Variants in SGCZ observed in about 807,000 individuals in gnomAD.
The protein encoded by SGCZ is zeta-sarcoglycan.
A neutral mutation model predicts 41.3 loss-of-function variants in SGCZ; 40 were observed. The ratio of observed to expected loss-of-function variants is 0.97; its 90% CI spans 0.75 to 1.26. The LOEUF is 1.26. Ranked by LOEUF, SGCZ falls within the 50% of genes most tolerant of loss-of-function variation. The pLI, the probability that SGCZ is intolerant of heterozygous loss-of-function variation, is 0.00. For synonymous variants in SGCZ, 206 were observed against 137.5 expected (o/e 1.50, Z -3.49); for missense variants, 552 against 369.8 (o/e 1.49, Z -4.04).
At chr8:14,433,211 CA>C (rs1405926477) in intron 2 of SGCZ, among the ~76,000 whole-genome samples, 1 of 152,020 alleles carries the variant, frequency 6.6e-6, no homozygotes, top group Non-Finnish European at 1.5e-5. Flanking sequence ...TAAGCAACTG[CA>C]AAAAAGTTGC....
intron 1 of SGCZ, among the ~76,000 whole-genome samples, chr8:14,931,485 A>T (rs866397981): frequency 1.3e-5 from 2 of 152,042 alleles, no homozygotes; most frequent in Non-Finnish European, 2.9e-5. Flanking sequence ...CAATTCTCTC[A>T]TTAGTGCCAC....
intron 2 of SGCZ, among the ~76,000 whole-genome samples, chr8:14,439,074 T>C (rs1351688870): frequency 6.6e-6 from 1 of 151,942 alleles, no homozygotes; most frequent in African/African-American, 2.4e-5. Flanking sequence ...CTAGTGGCAA[T>C]ATTAGCTTCT....
intron 1 of SGCZ, among the ~76,000 whole-genome samples, chr8:14,718,280 C>G (rs974607699): frequency 3.3e-5 from 5 of 151,684 alleles, no homozygotes; most frequent in African/African-American, 1.2e-4. Flanking sequence ...TTACAGCATT[C>G]AGGAGACAGC....
At chr8:14,793,788 C>T (rs1163047624) in intron 1 of SGCZ, among the ~76,000 whole-genome samples, 2 of 152,120 alleles carry the variant, frequency 1.3e-5, no homozygotes, top group East Asian at 1.9e-4. Flanking sequence ...GTCTACTTCT[C>T]TTTCACCTTG....
At chr8:14,396,550 C>G (rs984032680) in intron 2 of SGCZ, among the ~76,000 whole-genome samples, 1 of 151,870 alleles carries the variant, frequency 6.6e-6, no homozygotes, top group Non-Finnish European at 1.5e-5. Flanking sequence ...AACATGTAAA[C>G]TTTCTCTTTA....
chr8:14,784,913 A>AAAAAAAAAAAAAAT lies in SGCZ; in HGVS notation c.40-229988_40-229987insATTTTTTTTTTTTT, dbSNP rs1408574493. Reference sequence around the variant, plus strand: ...GTGAAACTCTGCCTCAAAAAAAAAAAATATATATATATATATATATAAAAT... The same window carrying AAAAAAAAAAAAAAT: ...GTGAAACTCTGCCTCAAAAAAAAAAAAAAAAAAAAAAAATATATATATATATATATATATAAAAT... On this transcript the variant is annotated intron_variant, in intron 1 of 7. Coordinates refer to ENST00000382080, the MANE Select transcript of SGCZ (RefSeq NM_139167.4). Among the ~76,000 whole-genome samples, 19 of 88,030 alleles carry AAAAAAAAAAAAAAT rather than the reference A, an allele frequency of 2.2e-4. 1 individual carries two copies. The highest frequency in any genetic ancestry group is 2.7e-4 in the Non-Finnish European group (13 of 47,432). The allele number at this position is 88,030 out of a possible 152,430, so 57.8% of individuals were successfully genotyped here.
chr8:15,008,718 AGGGGAGGAGG>A (rs1172605064), intron 1 of SGCZ, among the ~76,000 whole-genome samples: 2 of 63,460 alleles, frequency 3.2e-5, no homozygotes, highest in African/African-American at 1.3e-4. Flanking sequence ...GGGAGGAGGG[AGGGGAGGAGG>A]GGGGAGGAGG....
At chr8:14,703,849 G>C (rs1809246518) in intron 1 of SGCZ, among the ~76,000 whole-genome samples, 1 of 151,984 alleles carries the variant, frequency 6.6e-6, no homozygotes, top group African/African-American at 2.4e-5. Flanking sequence ...ACTCATGCCA[G>C]TTATAGAAAA....
At chr8:14,284,614 T>C (rs900288363) in intron 3 of SGCZ, among the ~76,000 whole-genome samples, 24 of 152,224 alleles carry the variant, frequency 1.6e-4, no homozygotes, top group Non-Finnish European at 3.2e-4. Flanking sequence ...TTAATATTGC[T>C]TTTGATATTG....
At chr8:15,178,900 A>G (rs1030404244) in intron 1 of SGCZ, among the ~76,000 whole-genome samples, 1 of 152,238 alleles carries the variant, frequency 6.6e-6, no homozygotes, top group Admixed American at 6.5e-5. Context: ...CTTATTTTCA[A>G]TCAAGAGATA....
intron 1 of SGCZ, among the ~76,000 whole-genome samples, chr8:15,172,768 T>C (rs1799883583): frequency 1.3e-5 from 2 of 152,200 alleles, no homozygotes; most frequent in Non-Finnish European, 2.9e-5. Context: ...GCTTTACTGC[T>C]TCAGACATTT....
chr8:15,074,910 G>GT (rs1294453162), intron 1 of SGCZ, among the ~76,000 whole-genome samples: 1 of 152,130 alleles, frequency 6.6e-6, no homozygotes, highest in African/African-American at 2.4e-5. Flanking sequence ...GTGTATCTCT[G>GT]TATCTGACCC....
intron 4 of SGCZ, among the ~76,000 whole-genome samples, chr8:14,185,426 A>G (rs984204168): frequency 2.6e-5 from 4 of 152,072 alleles, no homozygotes; most frequent in African/African-American, 4.8e-5. Flanking sequence ...AAATAAAATA[A>G]AAAAACAAAA....
At position 14,551,074 on chromosome 8, in the gene SGCZ, GCTCT is replaced by G. The variant is rs748381525; in HGVS notation, c.234+3654_234+3657del. Among the ~76,000 whole-genome samples, 19 of 149,248 alleles carry G rather than the reference GCTCT, an allele frequency of 1.3e-4. 1 individual carries two copies. In the East Asian group the frequency reaches 3.0e-3, roughly 23 times the overall value. The stretch of plus-strand genomic sequence containing the variant: ...TTTAACTCACAGCATTAATGAATTT[GCTCT>G]CCCCATTTGCTTAATAAATATTATT... On this transcript the variant is annotated intron_variant, in intron 2 of 7. Coordinates refer to ENST00000382080, the MANE Select transcript of SGCZ (RefSeq NM_139167.4).
chr8:14,782,372 A>C (rs1800617892), intron 1 of SGCZ, among the ~76,000 whole-genome samples: 1 of 152,104 alleles, frequency 6.6e-6, no homozygotes, highest in Admixed American at 6.5e-5. Context: ...TCATAATGTA[A>C]GCTTCTGTTT....
At chr8:14,496,141 C>G (rs1440287287) in intron 2 of SGCZ, among the ~76,000 whole-genome samples, 1 of 98,362 alleles carries the variant, frequency 1.0e-5, no homozygotes, top group Admixed American at 1.1e-4. Context: ...TCATGGCTCA[C>G]TGCAGCCTCA....
chr8:14,858,318 A>G (rs1282833201), intron 1 of SGCZ, among the ~76,000 whole-genome samples: 1 of 152,100 alleles, frequency 6.6e-6, no homozygotes, highest in Non-Finnish European at 1.5e-5. Flanking sequence ...TATTTAAAAA[A>G]TTCTTAAAAC....
chr8:15,025,270 C>T (rs113608812), intron 1 of SGCZ, among the ~76,000 whole-genome samples: 1 of 152,148 alleles, frequency 6.6e-6, no homozygotes, highest in African/African-American at 2.4e-5. Flanking sequence ...AATCTCTCTC[C>T]ATCTTTTGAG....
chr8:14,896,779 C>T (rs1805216044), intron 1 of SGCZ, among the ~76,000 whole-genome samples: 1 of 148,940 alleles, frequency 6.7e-6, no homozygotes, highest in South Asian at 2.1e-4. Flanking sequence ...ACCTGGCTGA[C>T]TTTTTTTTTC....
Sources: gnomAD v4.1 joint callset for allele counts (sites outside exome capture counted in the v4.1 genomes callset) on GRCh38, gnomAD v4.1.1 for gene constraint, MANE v1.5 for transcripts, NCBI Gene and HGNC (gene_info 2026-07-23, HGNC 2026-07-21) for gene names.